The following GRM7 variants were observed in gnomAD, a reference collection of about 807,000 sequenced individuals.
The protein encoded by GRM7 is metabotropic glutamate receptor 7.
In GRM7, 35 loss-of-function variants were observed where a neutral mutation model predicts 84.5. The ratio of observed to expected loss-of-function variants is 0.41; its 90% CI spans 0.32 to 0.55. The LOEUF is 0.55. GRM7 is among the 20% of genes least tolerant of loss of function. The pLI is 0.19. For synonymous variants in GRM7, 487 were observed against 455.1 expected, an observed-to-expected ratio of 1.07 and a Z score of -0.89; for missense variants, 1,003 against 1,194.6, an observed-to-expected ratio of 0.84 and a Z score of 2.36.
intron 1 of GRM7, among the ~76,000 whole-genome samples, chr3:7,084,445 A>C (rs545591415): frequency 6.6e-6 from 1 of 152,236 alleles, no homozygotes; most frequent in African/African-American, 2.4e-5. Context: ...GAAGGGAATA[A>C]GAAGTAGTCA....
chr3:7,010,315 A>AT (rs1181502246), intron 1 of GRM7, among the ~76,000 whole-genome samples: 1 of 152,184 alleles, frequency 6.6e-6, no homozygotes, highest in Non-Finnish European at 1.5e-5. Context: ...TTAGCCAGGC[A>AT]TGGCAGTGTG....
chr3:6,968,188 T>C (rs1275348746), intron 1 of GRM7, among the ~76,000 whole-genome samples: 4 of 152,182 alleles, frequency 2.6e-5, no homozygotes. Flanking sequence ...TGCATATCTC[T>C]TAGCTTGTGA....
intron 1 of GRM7, among the ~76,000 whole-genome samples, chr3:6,942,786 T>A (rs1697936097): frequency 6.6e-6 from 1 of 152,100 alleles, no homozygotes; most frequent in Non-Finnish European, 1.5e-5. Flanking sequence ...CTTAACTTTT[T>A]AAGAAATTGC....
chr3:7,356,259 C>T (rs7622749), intron 4 of GRM7, among the ~76,000 whole-genome samples: 27,643 of 151,758 alleles, frequency 0.18, 2,813 homozygotes, highest in East Asian at 0.27. Context: ...TTTGCGTCCA[C>T]ATGAATGTTC....
At chr3:7,224,734 C>T (rs773480951) in intron 2 of GRM7, among the ~76,000 whole-genome samples, 50 of 152,208 alleles carry the variant, frequency 3.3e-4, no homozygotes, top group South Asian at 6.2e-4. Flanking sequence ...TATGGAGAAC[C>T]GTTCTGTCTC....
chr3:7,192,017 T>C (rs150501452), intron 2 of GRM7, among the ~76,000 whole-genome samples: 34 of 152,256 alleles, frequency 2.2e-4, no homozygotes, highest in Non-Finnish European at 4.0e-4. Flanking sequence ...TTGTGAACAG[T>C]ACAGATTCTC....
chr3:6,949,037 A>G (rs1340204255), intron 1 of GRM7, among the ~76,000 whole-genome samples: 1 of 150,562 alleles, frequency 6.6e-6, no homozygotes, highest in South Asian at 2.2e-4. Context: ...TTTTAATTGG[A>G]GCATTTAGCC....
intron 4 of GRM7, among the ~76,000 whole-genome samples, chr3:7,346,767 C>A (rs1241075200): frequency 2.6e-5 from 4 of 152,066 alleles, no homozygotes; most frequent in Non-Finnish European, 5.9e-5. Flanking sequence ...TTTACCAATT[C>A]TTTGTGATCT....
chr3:7,656,802 A>G (rs577140670), intron 8 of GRM7, among the ~76,000 whole-genome samples: 1 of 152,274 alleles, frequency 6.6e-6, no homozygotes, highest in Admixed American at 6.5e-5. Context: ...AACAAATAAA[A>G]TAATTGGAGT....
At chr3:7,537,270 T>C (rs537704714) in intron 7 of GRM7, among the ~76,000 whole-genome samples, 1 of 152,336 alleles carries the variant, frequency 6.6e-6, no homozygotes, top group South Asian at 2.1e-4. Flanking sequence ...TATTTATTTA[T>C]TGATGGATTG....
chr3:7,737,603 A>G (rs17047885), intron 9 of GRM7, among the ~76,000 whole-genome samples: 1,616 of 152,248 alleles, frequency 0.011, 27 homozygotes, highest in African/African-American at 0.037. Flanking sequence ...AATAAACCTA[A>G]TACATTGGAC....
intron 8 of GRM7, among the ~76,000 whole-genome samples, chr3:7,598,134 A>G (rs1449386917): frequency 6.6e-6 from 1 of 152,194 alleles, no homozygotes; most frequent in African/African-American, 2.4e-5. Context: ...TTCAGTCATC[A>G]TAATCTGACA....
chr3:7,067,729 G>A lies in GRM7; in HGVS notation c.520-78723G>A, dbSNP rs541786097. The stretch of plus-strand genomic sequence containing the variant: ...AAAGACTATTGGCCAGAATTTAGTC[G>A]TAAGGGTCATCCTGACTTGAATAAG... On this transcript the variant is annotated intron_variant, in intron 1 of 9. Coordinates refer to ENST00000357716, the MANE Select transcript of GRM7 (RefSeq NM_000844.4). Among the ~76,000 whole-genome samples, 20 of 152,024 alleles carry A rather than the reference G, an allele frequency of 1.3e-4. No individual in the cohort carries two copies. In the South Asian group the frequency reaches 1.7e-3, roughly 13 times the overall value.
chr3:7,331,267 T>C (rs1368625729), intron 4 of GRM7, among the ~76,000 whole-genome samples: 1 of 152,176 alleles, frequency 6.6e-6, no homozygotes, highest in Non-Finnish European at 1.5e-5. Context: ...AAAAACATTA[T>C]AGAGTAGAGT....
intron 2 of GRM7, among the ~76,000 whole-genome samples, chr3:7,221,144 A>G (rs1696788932): frequency 6.6e-6 from 1 of 152,264 alleles, no homozygotes; most frequent in South Asian, 2.1e-4. Context: ...AAAAAAACAC[A>G]AAAACCAAAG....
chr3:6,986,438 C>G (rs1181170031), intron 1 of GRM7, among the ~76,000 whole-genome samples: 1 of 152,032 alleles, frequency 6.6e-6, no homozygotes, highest in Non-Finnish European at 1.5e-5. Flanking sequence ...AATGAAAAAA[C>G]CTCATCTCCT....
chr3:7,700,350 G>A (rs1198070653), intron 9 of GRM7, among the ~76,000 whole-genome samples: 1 of 152,170 alleles, frequency 6.6e-6, no homozygotes, highest in African/African-American at 2.4e-5. Context: ...TCCTGGGAAC[G>A]CCACCAAGCT....
chr3:7,006,178 C>T (rs918975223), intron 1 of GRM7, among the ~76,000 whole-genome samples: 2 of 152,222 alleles, frequency 1.3e-5, no homozygotes, highest in Admixed American at 1.3e-4. Flanking sequence ...AAGAGTCCCC[C>T]AGAAATTGAA....
At chr3:7,391,779 C>G (rs1002571593) in intron 4 of GRM7, among the ~76,000 whole-genome samples, 3 of 151,302 alleles carry the variant, frequency 2.0e-5, no homozygotes, top group Non-Finnish European at 4.4e-5. Flanking sequence ...AAAACAAGAG[C>G]TGGCAGGTAG....
Sources: allele counts gnomAD v4.1 joint callset (sites outside exome capture counted in the v4.1 genomes callset), GRCh38; gene constraint gnomAD v4.1.1; transcripts MANE v1.5; gene names NCBI Gene and HGNC (gene_info 2026-07-23, HGNC 2026-07-21).